Variants in POMGNT1 observed in about 807,000 individuals in gnomAD.
POMGNT1 encodes the protein protein O-linked mannose N-acetylglucosaminyltransferase 1 (beta 1,2-).
POMGNT1 carries 67 observed loss-of-function variants against 95.6 expected under a neutral mutation model. The observed-to-expected ratio is 0.70, with a 90% CI of 0.58 to 0.86. The LOEUF (loss-of-function observed/expected upper bound fraction) is 0.86, where lower values mean the gene tolerates loss of function less well. Among genes scored for constraint, POMGNT1 ranks in the 40% least tolerant of loss-of-function variants. The pLI is 0.00. For synonymous variants in POMGNT1, 298 were observed against 317.9 expected (o/e 0.94, Z 0.66); for missense variants, 719 against 855.2 (o/e 0.84, Z 1.99).
At chr1:46,203,524 G>A (rs1168537710) in intron 1 of POMGNT1, 3 of 1,563,540 alleles carry the variant, frequency 1.9e-6, no homozygotes, top group Non-Finnish European at 2.6e-6. Flanking sequence ...GGGCTGCGAG[G>A]CGAGTGTGAG....
exon 1 of POMGNT1, chr1:46,219,861 C>A (rs758994261): frequency 5.0e-6 from 8 of 1,613,758 alleles, no homozygotes; most frequent in South Asian, 1.1e-5. Flanking sequence ...GAGCCCAGGC[C>A]GCTCAAGGCG....
exon 1 of POMGNT1, chr1:46,219,994 C>T (rs1367488732): frequency 1.2e-6 from 2 of 1,614,144 alleles, no homozygotes; most frequent in South Asian, 1.1e-5. Context: ...CCTGGGGCTC[C>T]ACGTTCCGAG....
Position 46,192,157 on chromosome 1 carries a change from C to G in POMGNT1, c.1480G>C (p.Asp494His), listed in dbSNP as rs748900728. 6.2e-7 allele frequency: 1 copy of G among 1,614,194 alleles called. No individual in the cohort carries two copies. The highest frequency in any genetic ancestry group is 2.2e-5 in the East Asian group (1 of 44,880). ...CCAAAGTGGTAGGATCGGGAAACGT[C>G]AGGGATGATGCACTCTCGGCCCCGG... ...QRRGRECIIP[D>H]VSRSYHFGIV... The change falls in exon 17 of 22, where the codon GAC becomes CAC. Residue 494 changes from aspartate to histidine, a missense_variant. Physicochemically the swap from Asp to His is moderately conservative, Grantham distance 81. Transcript: ENST00000371984.
intron 2 of POMGNT1, 175 bp from the exon 3 acceptor site, chr1:46,197,259 C>G (rs770943924): frequency 6.5e-7 from 1 of 1,530,962 alleles, no homozygotes; most frequent in South Asian, 1.2e-5. Flanking sequence ...AGCCACTTTC[C>G]CCAGGGAACC....
chr1:46,202,868 T>C (rs1204384725), upstream of POMGNT1, among the ~76,000 whole-genome samples: 1 of 131,450 alleles, frequency 7.6e-6, no homozygotes, highest in African/African-American at 2.7e-5. Context: ...TCAGTACTGG[T>C]TGCCCTTTTC....
chr1:46,195,460 A>C, intron 6 of POMGNT1: 1 of 382,062 alleles, frequency 2.6e-6, no homozygotes. Context: ...TCTATCATTC[A>C]TTATCCCCTG....
rs1249129038 is a variant in POMGNT1 at position 46,189,169 on chromosome 1, C to T, written c.*101G>A. 2 of 1,524,632 alleles carry T rather than the reference C, an allele frequency of 1.3e-6. No homozygotes were observed. Among genetic ancestry groups the T allele is most frequent in the South Asian group, 1.3e-5 (1 of 75,150 alleles). 94.4% of individuals were successfully genotyped at this position (1,524,632 alleles called of 1,614,324 possible). ...GTCTCATGTTAAAAACAAGGTAGCC[C>T]CAGCCCCTACCAGCATCTACAAAAT... On this transcript the variant is annotated 3_prime_UTR_variant, in exon 22 of 22. Transcript: ENST00000371984.
rs974713703 is a variant in POMGNT1 at position 46,193,675 on chromosome 1, C to T, written c.951-36G>A. On this transcript the variant is annotated intron_variant, in intron 10 of 21. Coordinates refer to ENST00000371984, the MANE Select transcript of POMGNT1 (RefSeq NM_017739.4). Reference sequence around the variant, plus strand: ...CAGGGATAGGTTAGGGTCACTTCATCACCCCTCAACTCAGGTTCCCCTGTG... The same window carrying T: ...CAGGGATAGGTTAGGGTCACTTCATTACCCCTCAACTCAGGTTCCCCTGTG... The T allele has an allele frequency of 3.1e-6, 5 of 1,613,472 alleles. No homozygotes were observed. In the Middle Eastern group the frequency reaches 6.6e-4, roughly 212 times the overall value.
At chr1:46,202,696 C>CAAAAA (rs768113273), upstream of POMGNT1, among the ~76,000 whole-genome samples, 4 of 32,254 alleles carry the variant, frequency 1.2e-4, no homozygotes, top group Non-Finnish European at 2.1e-4. Flanking sequence ...GACTCTGTCT[C>CAAAAA]AAAAAAAAAA....
In POMGNT1 at chr1:46,190,499, A is replaced by G. The variant is rs746196856; in HGVS notation, c.1623T>C (p.Tyr541=). 1.2e-6 allele frequency: 2 copies of G among 1,607,124 alleles called. No homozygotes were observed. Among genetic ancestry groups the G allele is most frequent in the East Asian group, 2.2e-5 (1 of 44,856 alleles). The change falls in exon 19 of 22, where the codon TAT becomes TAC. Residue 541 remains tyrosine, a synonymous_variant. Coordinates refer to ENST00000371984, the MANE Select transcript of POMGNT1 (RefSeq NM_017739.4). ...RNVDSLKKEA[Y]EVEVHRLLSE... ...TGAGCAGCCTGTGAACTTCCACTTC[A>G]TAAGCTTCTTTCTTCAGACTGAAGA...
rs1557677980 is a variant in POMGNT1, at chr1:46,196,821, TG to T, written c.263del (p.Pro88HisfsTer14). 1.2e-6 allele frequency: 2 copies of T among 1,614,172 alleles called. No individual in the cohort carries two copies. Among genetic ancestry groups the T allele is most frequent in the Admixed American group, 3.3e-5 (2 of 60,034 alleles). ...YDEALGRLEP[P>X]RRRGSGPRRV... Reference sequence around the variant, plus strand: ...GCCGGGGACCACTGCCTCTGCGCCGTGGGGGCTCCAGGCGGCCTAGGGCCTC... The same window carrying T: ...GCCGGGGACCACTGCCTCTGCGCCGTGGGGCTCCAGGCGGCCTAGGGCCTC... On this transcript the variant is annotated frameshift_variant, in exon 4 of 22. Coordinates refer to ENST00000371984, the MANE Select transcript of POMGNT1 (RefSeq NM_017739.4). LOFTEE classifies it high-confidence loss of function. This position sits in a 1 kb window ranked among gnomAD's most constrained non-coding sequence, Gnocchi z 4.4.
chr1:46,210,504 G>A (rs1020878671), intron 1 of POMGNT1, among the ~76,000 whole-genome samples: 4 of 152,140 alleles, frequency 2.6e-5, no homozygotes, highest in Non-Finnish European at 5.9e-5. Flanking sequence ...GACACTAGTC[G>A]TAAATCTGGG....
chr1:46,190,881 T>C, intron 17 of POMGNT1, 97 bp from the exon 18 acceptor site: 2 of 1,166,612 alleles, frequency 1.7e-6, no homozygotes, highest in African/African-American at 1.5e-5. Flanking sequence ...ACAAATGAAG[T>C]CCTAGACCTG....
At chr1:46,195,208 G>A (rs1455675152) in intron 6 of POMGNT1, among the ~76,000 whole-genome samples, 1 of 152,092 alleles carries the variant, frequency 6.6e-6, no homozygotes, top group Non-Finnish European at 1.5e-5. Context: ...GCCACTCTCT[G>A]CCTTCTTTTC....
chr1:46,189,278 G>A lies in POMGNT1; in HGVS notation c.1975C>T (p.Gln659Ter), dbSNP rs766290773. 6.8e-6 allele frequency: 11 copies of A among 1,613,586 alleles called. No homozygotes were observed. Among genetic ancestry groups the A allele is most frequent in the Non-Finnish European group, 9.3e-6 (11 of 1,179,744 alleles). The change falls in exon 22 of 22, where the codon CAG (glutamine) becomes TAG (stop). Residue 659 changes from glutamine to a stop codon, truncating the protein, a stop_gained. Transcript: ENST00000371984. LOFTEE classifies it high-confidence loss of function. ...KEEGAPGAPEQT is the reference protein window; with the variant it reads ...KEEGAPGAPE ...GGGTCCTGGAGGAGGTCTCATGTCT[G>A]TTCTGGGGCTCCTGGGGCTCCCTCC...
upstream of POMGNT1, among the ~76,000 whole-genome samples, chr1:46,199,308 G>T (rs565689141): frequency 2.6e-5 from 4 of 152,234 alleles, no homozygotes; most frequent in Admixed American, 6.5e-5. Flanking sequence ...GCTAGGAGAG[G>T]TGGAATTGAA....
At chr1:46,204,780 G>A (rs181589886) in intron 1 of POMGNT1, among the ~76,000 whole-genome samples, 102 of 152,318 alleles carry the variant, frequency 6.7e-4, no homozygotes, top group African/African-American at 2.3e-3. Flanking sequence ...CCACCTAAGC[G>A]GGGGCTTGCC....
intron 1 of POMGNT1, chr1:46,203,648 A>G: frequency 6.3e-7 from 1 of 1,593,564 alleles, no homozygotes. Flanking sequence ...CCATGGGCCA[A>G]GGGGACGAGT....
chr1:46,219,340 T>G (rs1659161678), intron 1 of POMGNT1, among the ~76,000 whole-genome samples: 1 of 152,002 alleles, frequency 6.6e-6, no homozygotes, highest in Non-Finnish European at 1.5e-5. Context: ...GTTCAAAGCT[T>G]AATAGGATTG....
Sources: gnomAD v4.1 joint callset for allele counts (sites outside exome capture counted in the v4.1 genomes callset) on GRCh38, gnomAD v4.1.1 for gene constraint, Gnocchi (gnomAD v3.1) non-coding constraint, MANE v1.5 for transcripts, NCBI Gene and HGNC (gene_info 2026-07-23, HGNC 2026-07-21) for gene names.